PHF21A: variants seen among roughly 807,000 people sequenced by gnomAD.
PHF21A encodes BHC80a.
Under a neutral mutation model 82.5 loss-of-function variants are expected in PHF21A, and 11 were observed. That is an observed-to-expected ratio of 0.13 (90% confidence interval 0.08 to 0.22). The LOEUF (loss-of-function observed/expected upper bound fraction) is 0.22. Ranked by LOEUF, PHF21A falls within the 10% of genes least tolerant of loss-of-function variation. PHF21A has a pLI of 1.00. For missense variants in PHF21A, 579 were observed against 837.8 expected (o/e 0.69, Z 3.81); for synonymous variants, 297 against 302.8 (o/e 0.98, Z 0.20).
At chr11:46,088,299 A>G (rs542591419) in intron 3 of PHF21A, among the ~76,000 whole-genome samples, 1 of 152,294 alleles carries the variant, frequency 6.6e-6, no homozygotes, top group South Asian at 2.1e-4. Context: ...ACAGCTCTAC[A>G]AGTCACTATC....
At chr11:45,944,772 G>T (rs182930796) in intron 15 of PHF21A, among the ~76,000 whole-genome samples, 9 of 152,218 alleles carry the variant, frequency 5.9e-5, no homozygotes, top group East Asian at 5.8e-4. Flanking sequence ...TTCCATTTTT[G>T]ATCTCTTTTT....
intron 1 of PHF21A, among the ~76,000 whole-genome samples, chr11:46,111,894 G>A (rs2097218392): frequency 6.6e-6 from 1 of 152,216 alleles, no homozygotes; most frequent in Non-Finnish European, 1.5e-5. Flanking sequence ...TACAGTGATA[G>A]ATTGGTACAT....
rs903799240 is a variant in PHF21A at position 45,983,304 on chromosome 11, G to GA, written c.154-3339dup. ...ACTTACATCAGTCCTTGAGAGGAGG[G>GA]AAAAAAAAAAGGAAAAAGAAAGAGA... is the stretch of plus-strand genomic sequence containing the variant. On this transcript the variant is annotated intron_variant, in intron 6 of 18. Transcript: ENST00000676320. 7.0e-4 allele frequency among the ~76,000 whole-genome samples: 102 copies of GA among 145,902 alleles called. 1 individual carries two copies. Among genetic ancestry groups the GA allele is most frequent in the East Asian group, 2.0e-3 (10 of 5,026 alleles).
intron 12 of PHF21A, 24 bp downstream of exon 12, chr11:45,950,182 A>C: frequency 6.4e-7 from 1 of 1,560,526 alleles, no homozygotes; most frequent in Non-Finnish European, 8.7e-7. Flanking sequence ...AAAAAAAGGC[A>C]GTGCCAAGAA....
rs1049725364 is a variant in PHF21A at position 46,107,928 on chromosome 11, G to A, written c.-237+13007C>T. Among the ~76,000 whole-genome samples, 110 of 152,244 alleles carry A rather than the reference G, an allele frequency of 7.2e-4. 1 individual carries two copies. The highest frequency in any genetic ancestry group is 2.6e-3 in the African/African-American group (109 of 41,552). On this transcript the variant is annotated intron_variant, in intron 1 of 18. Transcript: ENST00000676320. ...AGTGGTTGAGTGAGTAGGGATAGGTGATGGGGATGAGGTCAGCCCACACTA... is the reference window on the plus strand; with the variant it reads ...AGTGGTTGAGTGAGTAGGGATAGGTAATGGGGATGAGGTCAGCCCACACTA...
chr11:46,082,948 C>T (rs1383587274), intron 4 of PHF21A, among the ~76,000 whole-genome samples: 1 of 152,094 alleles, frequency 6.6e-6, no homozygotes, highest in African/African-American at 2.4e-5. Context: ...ATAAAATTAT[C>T]CTTGATCCAC....
At chr11:45,938,078 T>C (rs906940953) in intron 16 of PHF21A, 79 bp downstream of exon 16, 1 of 1,267,406 alleles carries the variant, frequency 7.9e-7, no homozygotes. Flanking sequence ...GACTGCCATT[T>C]CCCCGGGAAA....
intron 6 of PHF21A, 74 bp downstream of exon 6, chr11:46,076,680 C>G: frequency 8.3e-7 from 1 of 1,198,292 alleles, no homozygotes; most frequent in Non-Finnish European, 1.2e-6. Context: ...AATAGCAGTT[C>G]TCTTAGAAGC....
chr11:45,956,508 T>A (rs954185004), intron 10 of PHF21A, among the ~76,000 whole-genome samples: 4 of 152,100 alleles, frequency 2.6e-5, no homozygotes, highest in Non-Finnish European at 5.9e-5. Flanking sequence ...GAGGGTACAG[T>A]GCAGGTTTGT....
intron 6 of PHF21A, among the ~76,000 whole-genome samples, chr11:45,981,253 G>A (rs1215692992): frequency 1.3e-5 from 2 of 151,830 alleles, no homozygotes; most frequent in Non-Finnish European, 2.9e-5. Flanking sequence ...AAGCATGGTG[G>A]CACACACCTG....
At chr11:46,024,421 T>TG (rs1397263839) in intron 6 of PHF21A, among the ~76,000 whole-genome samples, 41 of 152,212 alleles carry the variant, frequency 2.7e-4, no homozygotes, top group African/African-American at 8.9e-4. Context: ...TTTAATTGCT[T>TG]TTTATGTAAT....
At chr11:46,111,196 T>C (rs2097209910) in intron 1 of PHF21A, among the ~76,000 whole-genome samples, 1 of 146,132 alleles carries the variant, frequency 6.8e-6, no homozygotes, top group African/African-American at 2.5e-5. Context: ...GGGCCAGGCG[T>C]GGTGGCTCAC....
chr11:45,935,858 A>G lies in PHF21A; in HGVS notation c.1685-119T>C, dbSNP rs970821115. 23 of 632,466 alleles carry G rather than the reference A, an allele frequency of 3.6e-5. 1 individual carries two copies. Among genetic ancestry groups the G allele is most frequent in the Admixed American group, 2.9e-4 (10 of 34,714 alleles). 39.2% of individuals were successfully genotyped at this position (632,466 alleles called of 1,614,324 possible). On this transcript the variant is annotated intron_variant, in intron 17 of 18. Transcript: ENST00000676320. ...TTTCCCCAGAGCTCCCATGAGTCCT[A>G]CAACCCAGTGCAGAGAATCTGCCCA...
intron 6 of PHF21A, among the ~76,000 whole-genome samples, chr11:46,018,479 A>G (rs1315883135): frequency 6.6e-6 from 1 of 152,212 alleles, no homozygotes; most frequent in Non-Finnish European, 1.5e-5. Flanking sequence ...GAATCTCCTT[A>G]AAACTGAAAG....
In PHF21A at chr11:46,028,999, C is replaced by T. The variant is rs141146711; in HGVS notation, c.153+47755G>A. Among the ~76,000 whole-genome samples, 679 of 152,294 alleles carry T rather than the reference C, an allele frequency of 4.5e-3. 9 individuals carry two copies. Among genetic ancestry groups the T allele is most frequent in the African/African-American group, 0.016 (650 of 41,578 alleles). Reference sequence around the variant, plus strand: ...TCCTCTTTCATTTCTATTGGATCTACAAATTGTACCACAAGTCTAATATTG... The same window carrying T: ...TCCTCTTTCATTTCTATTGGATCTATAAATTGTACCACAAGTCTAATATTG... On this transcript the variant is annotated intron_variant, in intron 6 of 18. Coordinates refer to ENST00000676320, the MANE Select transcript of PHF21A (RefSeq NM_001352027.3).
intron 6 of PHF21A, among the ~76,000 whole-genome samples, chr11:46,030,826 T>TGC (rs1339388957): frequency 7.1e-5 from 8 of 112,322 alleles, no homozygotes; most frequent in Non-Finnish European, 1.4e-4. Flanking sequence ...TGTGCGTGTG[T>TGC]GTGCGTGTGT....
At chr11:46,030,820 CGTGTGTGTGCGTGTGTGTGTGTGT>C (rs2095849528) in intron 6 of PHF21A, among the ~76,000 whole-genome samples, 1 of 75,286 alleles carries the variant, frequency 1.3e-5, no homozygotes, top group Non-Finnish European at 2.7e-5. Context: ...TGTGTGTGTG[CGTGTGTGTGCGTGTGTGTGTGTGT>C]GTGTGTGTGT....
chr11:46,055,838 T>C (rs940818603), intron 6 of PHF21A, among the ~76,000 whole-genome samples: 4 of 152,080 alleles, frequency 2.6e-5, no homozygotes, highest in Non-Finnish European at 5.9e-5. Flanking sequence ...ACGCTCAACA[T>C]ATTATTTTAC....
At chr11:45,942,146 T>G (rs953904501) in intron 15 of PHF21A, among the ~76,000 whole-genome samples, 3 of 152,224 alleles carry the variant, frequency 2.0e-5, no homozygotes, top group African/African-American at 7.2e-5. Context: ...AAATACCTTC[T>G]GCTGAGTTTA....
Sources: gnomAD v4.1 joint callset for allele counts (sites outside exome capture counted in the v4.1 genomes callset) on GRCh38, gnomAD v4.1.1 for gene constraint, MANE v1.5 for transcripts, NCBI Gene and HGNC (gene_info 2026-07-23, HGNC 2026-07-21) for gene names.